Variants in SEMA3D observed in about 807,000 individuals in gnomAD.
SEMA3D encodes the protein semaphorin-3D.
A neutral mutation model predicts 100.1 loss-of-function variants in SEMA3D; 84 were observed. The ratio of observed to expected loss-of-function variants is 0.84; its 90% CI spans 0.70 to 1.01. SEMA3D has a LOEUF of 1.01. Among genes scored for constraint, SEMA3D ranks in the 50% least tolerant of loss-of-function variants. SEMA3D has a pLI of 0.00. For missense variants in SEMA3D, 875 were observed against 934.1 expected (o/e 0.94, Z 0.82); for synonymous variants, 312 against 320.7 (o/e 0.97, Z 0.29).
chr7:85,050,122 G>C (rs374832429), intron 9 of SEMA3D, among the ~76,000 whole-genome samples: 1,739 of 141,490 alleles, frequency 0.012, 42 homozygotes, highest in African/African-American at 0.041. Context: ...CACACACACA[G>C]AGACAGAGTA....
At chr7:85,122,247 A>G (rs921291390) in intron 2 of SEMA3D, among the ~76,000 whole-genome samples, 2 of 150,700 alleles carry the variant, frequency 1.3e-5, no homozygotes, top group African/African-American at 4.9e-5. Flanking sequence ...AAAAAAAACT[A>G]TTAAGATAAC....
At chr7:85,104,880 G>A (rs1381751453) in intron 3 of SEMA3D, among the ~76,000 whole-genome samples, 1 of 151,944 alleles carries the variant, frequency 6.6e-6, no homozygotes, top group Non-Finnish European at 1.5e-5. Context: ...AAGAAAATCA[G>A]CTTTGGAGAA....
chr7:85,242,526 C>T, the SEMA3D span, among the ~76,000 whole-genome samples: 1 of 152,066 alleles, frequency 6.6e-6, no homozygotes, highest in African/African-American at 2.4e-5. Flanking sequence ...AGTTTAATTT[C>T]ATTGTGGCCT....
Position 85,018,288 on chromosome 7 carries a change from T to G in SEMA3D, c.1509A>C (p.Ser503=). 6.3e-7 allele frequency: 1 copy of G among 1,589,178 alleles called. No individual in the cohort carries two copies. The change falls in exon 15 of 19, where the codon TCA becomes TCC. Residue 503 remains serine, a synonymous_variant. Transcript: ENST00000284136. The part of the protein sequence containing the change: ...VLEELQIFKH[S]SIILNMELSL... ...ACAATTCCATGTTCAAGATGATTGA[T>G]GAGTGCTGAAAATAGAAGTTAAATG...
At chr7:85,166,379 G>A (rs952477024) in intron 1 of SEMA3D, among the ~76,000 whole-genome samples, 4 of 151,982 alleles carry the variant, frequency 2.6e-5, no homozygotes, top group Non-Finnish European at 5.9e-5. Flanking sequence ...AAAAGAACAT[G>A]AAAGTTTGAA....
At chr7:85,028,648 C>A (rs1790459637) in intron 12 of SEMA3D, 1 of 204,992 alleles carries the variant, frequency 4.9e-6, no homozygotes, top group Admixed American at 5.6e-5. Flanking sequence ...GCTAAACATA[C>A]TCTTCCAGCA....
chr7:85,137,730 G>T (rs150300747), intron 2 of SEMA3D, among the ~76,000 whole-genome samples: 1 of 152,036 alleles, frequency 6.6e-6, no homozygotes, highest in East Asian at 1.9e-4. Flanking sequence ...CCCTAGGTTG[G>T]TATCCAAATC....
intron 1 of SEMA3D, among the ~76,000 whole-genome samples, chr7:85,180,667 T>G (rs756476612): frequency 6.6e-5 from 10 of 152,232 alleles, no homozygotes; most frequent in Admixed American, 1.3e-4. Flanking sequence ...TTTTTTACAA[T>G]TAATGAATCA....
At chr7:85,015,348 C>T in intron 15 of SEMA3D, 132 bp from the exon 16 acceptor site, 1 of 738,420 alleles carries the variant, frequency 1.4e-6, no homozygotes, top group Non-Finnish European at 2.2e-6. Flanking sequence ...AACACTTGTA[C>T]AGAAACATAA....
intron 17 of SEMA3D, among the ~76,000 whole-genome samples, chr7:85,010,686 A>G (rs1328588676): frequency 6.6e-6 from 1 of 151,900 alleles, no homozygotes; most frequent in Non-Finnish European, 1.5e-5. Flanking sequence ...TGCTGAACAA[A>G]TAAGTCTTGA....
rs2116492782 is a variant in SEMA3D at position 85,151,826 on chromosome 7, ACTGT to A, written c.-41+1778_-41+1781del. 5 of 696,002 alleles carry A rather than the reference ACTGT, an allele frequency of 7.2e-6. No individual in the cohort carries two copies. The East Asian group carries it at 4.0e-4, about 56-fold the overall frequency. The allele number at this position is 696,002 out of a possible 1,614,324, so 43.1% of individuals were successfully genotyped here. A position where few individuals can be genotyped will look rare whatever the true frequency, so the allele number is the denominator to read the frequency against. On this transcript the variant is annotated intron_variant, in intron 2 of 18. Transcript: ENST00000284136. ...CCTATTTTAAAATTCCAAATTTTAG[ACTGT>A]CTGTAAAAAAAAGTTTTTTGACCTT...
rs1333990087 is a variant in SEMA3D, at chr7:84,995,983, T to A, written c.*3457A>T. On this transcript the variant is annotated 3_prime_UTR_variant, in exon 19 of 19. Coordinates refer to ENST00000284136, the MANE Select transcript of SEMA3D (RefSeq NM_001384900.1). ...TAAAAACACTTCAAATATCTTTTTT[T>A]TTTTTTGGTTTGTTTCTAAATTATC... The A allele has an allele frequency of 6.6e-6, 1 of 151,940 alleles. No homozygotes were observed. Among genetic ancestry groups the A allele is most frequent in the African/African-American group, 2.4e-5 (1 of 41,436 alleles). The allele number at this position is 151,940 out of a possible 1,614,324, so 9.4% of individuals were successfully genotyped here.
At chr7:85,241,676 G>A in the SEMA3D span, among the ~76,000 whole-genome samples, 1 of 150,960 alleles carries the variant, frequency 6.6e-6, no homozygotes, top group Non-Finnish European at 1.5e-5. Flanking sequence ...AGTGGGGAAA[G>A]GGTAGGAAGG....
chr7:85,066,467 C>T (rs531019423), intron 7 of SEMA3D, among the ~76,000 whole-genome samples: 1 of 151,032 alleles, frequency 6.6e-6, no homozygotes, highest in Non-Finnish European at 1.5e-5. Flanking sequence ...GAGAAGAAGG[C>T]AGCAGGGATC....
rs1015193017 is a variant in SEMA3D, at chr7:85,028,781, G to A, written c.1192-6168C>T. On this transcript the variant is annotated intron_variant, in intron 12 of 18. Coordinates refer to ENST00000284136, the MANE Select transcript of SEMA3D (RefSeq NM_001384900.1). ...TCTGTGGCATTCTGGACCCCATAGA[G>A]AAATCCATTTGAGATGTCAAACTAG... is the stretch of plus-strand genomic sequence containing the variant. 2.9e-5 allele frequency: 6 copies of A among 206,164 alleles called. 1 individual carries two copies. Among genetic ancestry groups the A allele is most frequent in the South Asian group, 1.9e-4 (2 of 10,646 alleles). The allele number at this position is 206,164 out of a possible 1,614,324, so 12.8% of individuals were successfully genotyped here.
chr7:85,225,061 TA>T, the SEMA3D span, among the ~76,000 whole-genome samples: 1 of 2,820 alleles, frequency 3.5e-4, no homozygotes, highest in Non-Finnish European at 8.9e-4. Flanking sequence ...TATATATATA[TA>T]TATATATATA....
the SEMA3D span, among the ~76,000 whole-genome samples, chr7:85,196,179 A>G: frequency 6.6e-6 from 1 of 152,210 alleles, no homozygotes; most frequent in Non-Finnish European, 1.5e-5. Context: ...GAATGCATGC[A>G]TTAACGTTTT....
chr7:85,193,900 G>C, the SEMA3D span, among the ~76,000 whole-genome samples: 2 of 148,600 alleles, frequency 1.3e-5, no homozygotes, highest in East Asian at 2.0e-4. Flanking sequence ...GCAGTTTAAA[G>C]AGACAGAGCA....
chr7:85,179,437 G>A (rs567226132), intron 1 of SEMA3D, among the ~76,000 whole-genome samples: 1 of 152,254 alleles, frequency 6.6e-6, no homozygotes, highest in East Asian at 1.9e-4. Context: ...TGGAGTCAAA[G>A]GAGATCATTT....
Sources: allele counts gnomAD v4.1 joint callset (sites outside exome capture counted in the v4.1 genomes callset), GRCh38; gene constraint gnomAD v4.1.1; transcripts MANE v1.5; gene names NCBI Gene and HGNC (gene_info 2026-07-23, HGNC 2026-07-21).